Variants in RANBP2 observed in about 807,000 individuals in gnomAD.
The protein encoded by RANBP2 is RAN binding protein 2, also known as E3 SUMO-protein ligase RanBP2.
Under a neutral mutation model 303.6 loss-of-function variants are expected in RANBP2, and 57 were observed. That is an observed-to-expected ratio of 0.19 (90% CI 0.15 to 0.23). The LOEUF (loss-of-function observed/expected upper bound fraction) is 0.23. Ranked by LOEUF, RANBP2 falls within the 10% of genes least tolerant of loss-of-function variation. RANBP2 has a pLI of 1.00. For synonymous variants in RANBP2, 1,167 were observed against 1,301.5 expected (o/e 0.90, Z 2.23); for missense variants, 3,138 against 3,780.8 (o/e 0.83, Z 4.46).
chr2:109,161,550 C>G, the RANBP2 span, among the ~76,000 whole-genome samples: 1 of 151,564 alleles, frequency 6.6e-6, no homozygotes, highest in Admixed American at 6.6e-5. Context: ...TAGCACCTAC[C>G]TAAGTCTGTG....
chr2:109,489,766 C>G, the RANBP2 span, among the ~76,000 whole-genome samples: 1 of 151,964 alleles, frequency 6.6e-6, no homozygotes, highest in African/African-American at 2.4e-5. Flanking sequence ...GGGACGGAGT[C>G]TCGCTCTGTC....
At chr2:108,728,443 TCC>T (rs975138413) in intron 1 of RANBP2, among the ~76,000 whole-genome samples, 9 of 152,084 alleles carry the variant, frequency 5.9e-5, no homozygotes, top group African/African-American at 2.2e-4. Context: ...ACAGGCATGC[TCC>T]ACTATGCCTG....
the RANBP2 span, among the ~76,000 whole-genome samples, chr2:108,901,816 ATATC>A: frequency 6.6e-6 from 1 of 152,256 alleles, no homozygotes; most frequent in Non-Finnish European, 1.5e-5. Flanking sequence ...AACTGTAAAA[ATATC>A]TAGCCAAACG....
the RANBP2 span, among the ~76,000 whole-genome samples, chr2:109,000,045 T>C: frequency 6.6e-6 from 1 of 152,240 alleles, no homozygotes; most frequent in East Asian, 1.9e-4. Context: ...CAAAACTGGA[T>C]CTGGGAACAG....
the RANBP2 span, among the ~76,000 whole-genome samples, chr2:109,265,114 C>T: frequency 2.6e-4 from 39 of 152,072 alleles, no homozygotes; most frequent in African/African-American, 8.4e-4. Flanking sequence ...TGAGGCGTTG[C>T]GAAATAGGAT....
downstream of RANBP2, chr2:108,788,884 G>A (rs769969108): frequency 8.7e-6 from 14 of 1,613,588 alleles, no homozygotes; most frequent in Non-Finnish European, 8.5e-6. Flanking sequence ...AGATAAAGTT[G>A]GTTCATCGTT....
chr2:109,015,118 C>A, the RANBP2 span, among the ~76,000 whole-genome samples: 1 of 68,810 alleles, frequency 1.5e-5, no homozygotes, highest in Non-Finnish European at 2.5e-5. Context: ...GACTCCATCT[C>A]AAAAAAAAAA....
the RANBP2 span, among the ~76,000 whole-genome samples, chr2:108,979,621 G>A: frequency 6.6e-6 from 1 of 152,144 alleles, no homozygotes; most frequent in South Asian, 2.1e-4. Flanking sequence ...GTGCAGGGCT[G>A]TGGAGAAGAG....
chr2:108,909,543 T>C, the RANBP2 span, among the ~76,000 whole-genome samples: 1 of 152,236 alleles, frequency 6.6e-6, no homozygotes, highest in Non-Finnish European at 1.5e-5. Flanking sequence ...CTGTGCCCCA[T>C]CTGCCAAGGG....
the RANBP2 span, among the ~76,000 whole-genome samples, chr2:109,371,027 C>A: frequency 6.6e-6 from 1 of 152,154 alleles, no homozygotes. Context: ...CATTTTAAAG[C>A]CCTAACTCTG....
At chr2:109,331,237 CA>C in the RANBP2 span, among the ~76,000 whole-genome samples, 1 of 152,104 alleles carries the variant, frequency 6.6e-6, no homozygotes, top group Non-Finnish European at 1.5e-5. Context: ...ATATTGTGTA[CA>C]GACCCCCACC....
At chr2:109,274,345 G>C in the RANBP2 span, among the ~76,000 whole-genome samples, 1 of 152,184 alleles carries the variant, frequency 6.6e-6, no homozygotes, top group South Asian at 2.1e-4. Flanking sequence ...GTTCATAGCA[G>C]CCCTATTTAC....
At chr2:109,275,537 G>A in the RANBP2 span, among the ~76,000 whole-genome samples, 546 of 152,250 alleles carry the variant, frequency 3.6e-3, 2 homozygotes, top group African/African-American at 0.013. Context: ...ACTAGAAAGC[G>A]TCACAGGAAA....
chr2:109,409,709 C>T, the RANBP2 span, among the ~76,000 whole-genome samples: 8 of 152,048 alleles, frequency 5.3e-5, no homozygotes, highest in Non-Finnish European at 1.2e-4. Flanking sequence ...AGAGGGAGAT[C>T]GAGAGGCACG....
chr2:108,912,524 G>A, the RANBP2 span, among the ~76,000 whole-genome samples: 23 of 152,128 alleles, frequency 1.5e-4, 1 homozygote, highest in Admixed American at 5.2e-4. Context: ...CTTCCTGCAC[G>A]GGGGGCAACA....
chr2:109,615,660 A>G, the RANBP2 span: 1 of 1,614,156 alleles, frequency 6.2e-7, no homozygotes, highest in South Asian at 1.1e-5. Flanking sequence ...CGAGGAGATC[A>G]AGAACCTGGT....
chr2:109,081,592 T>A, the RANBP2 span, among the ~76,000 whole-genome samples: 12 of 152,290 alleles, frequency 7.9e-5, no homozygotes, highest in East Asian at 1.9e-3. Context: ...CTGTCGCTTG[T>A]GGTCCTGGGG....
chr2:109,760,432 C>T, the RANBP2 span: 2 of 931,138 alleles, frequency 2.1e-6, no homozygotes, highest in Non-Finnish European at 2.5e-6. Context: ...GGCGGCGGCG[C>T]AGGGCCGGGG....
chr2:109,215,169 C>T, the RANBP2 span, among the ~76,000 whole-genome samples: 3 of 152,324 alleles, frequency 2.0e-5, no homozygotes, highest in East Asian at 1.9e-4. Flanking sequence ...TCTCTCTGAG[C>T]ATTGCTCAAT....
Sources: gnomAD v4.1 joint callset for allele counts (sites outside exome capture counted in the v4.1 genomes callset) on GRCh38, gnomAD v4.1.1 for gene constraint, MANE v1.5 for transcripts, NCBI Gene and HGNC (gene_info 2026-07-23, HGNC 2026-07-21) for gene names.